The following KCTD1 variants were observed in gnomAD, a reference collection of about 807,000 sequenced individuals.
KCTD1 encodes the protein potassium channel tetramerization domain containing 1, also known as BTB/POZ domain-containing protein KCTD1.
KCTD1 carries 24 observed loss-of-function variants against 66.0 expected under a neutral mutation model. The observed-to-expected ratio is 0.36, with a 90% confidence interval of 0.26 to 0.51. The LOEUF is 0.51. Ranked by LOEUF, KCTD1 falls within the 20% of genes least tolerant of loss-of-function variation. The pLI is 0.95. For missense variants in KCTD1, 943 were observed against 1,205.2 expected, an observed-to-expected ratio of 0.78 and a Z score of 3.22; for synonymous variants, 511 against 517.2, an observed-to-expected ratio of 0.99 and a Z score of 0.16.
intron 1 of KCTD1, among the ~76,000 whole-genome samples, chr18:26,620,527 C>T (rs1987357634): frequency 6.7e-6 from 1 of 149,034 alleles, no homozygotes; most frequent in South Asian, 2.1e-4. Context: ...TCCTCCACCT[C>T]CGGGGCTCAA....
intron 1 of KCTD1, among the ~76,000 whole-genome samples, chr18:26,570,698 A>ACC (rs1291720949): frequency 2.0e-5 from 3 of 152,214 alleles, no homozygotes; most frequent in African/African-American, 7.2e-5. Context: ...GGCATGAGCC[A>ACC]CCACACCGGG....
chr18:26,484,465 T>C (rs193094972), intron 2 of KCTD1, among the ~76,000 whole-genome samples: 1 of 152,088 alleles, frequency 6.6e-6, no homozygotes, highest in African/African-American at 2.4e-5. Flanking sequence ...GAACTCGGCG[T>C]TTTGTAGAAT....
At chr18:26,636,954 A>G (rs2145056141) in intron 1 of KCTD1, among the ~76,000 whole-genome samples, 1 of 152,324 alleles carries the variant, frequency 6.6e-6, no homozygotes, top group South Asian at 2.1e-4. Flanking sequence ...CCCAGAGGTT[A>G]AGCAACTCCC....
Position 26,526,731 on chromosome 18 carries a change from A to G in KCTD1, c.1809+19997T>C, listed in dbSNP as rs181744826. On this transcript the variant is annotated intron_variant, in intron 1 of 4. Transcript: ENST00000580059. ...AGTCAACACTTGAAAATGCTGAGCC[A>G]ATCCCACTTGAGAAAAGATAAAGAA... Among the ~76,000 whole-genome samples, 39 of 152,342 alleles carry G rather than the reference A, an allele frequency of 2.6e-4. No individual in the cohort carries two copies. In the East Asian group the frequency reaches 7.3e-3, roughly 29 times the overall value.
At chr18:26,652,050 G>A (rs1320046028) in intron 1 of KCTD1, among the ~76,000 whole-genome samples, 2 of 152,134 alleles carry the variant, frequency 1.3e-5, no homozygotes, top group Non-Finnish European at 2.9e-5. Context: ...ACCAGTGCCT[G>A]GGGTTTCAGA....
intron 3 of KCTD1, among the ~76,000 whole-genome samples, chr18:26,463,540 G>A (rs1386058761): frequency 4.8e-5 from 3 of 62,698 alleles, no homozygotes; most frequent in Non-Finnish European, 1.5e-4. Flanking sequence ...CTTAGAATAC[G>A]GTTTTTTTTT....
intron 1 of KCTD1, among the ~76,000 whole-genome samples, chr18:26,593,614 A>G (rs1171731034): frequency 1.8e-5 from 2 of 109,156 alleles, no homozygotes; most frequent in Non-Finnish European, 3.7e-5. Context: ...GAAGGAAGAC[A>G]AGGAGGAGGA....
chr18:26,619,296 A>C (rs1987322574), intron 1 of KCTD1, among the ~76,000 whole-genome samples: 5 of 152,180 alleles, frequency 3.3e-5, no homozygotes, highest in Admixed American at 2.6e-4. Context: ...TTATTTCCTT[A>C]CTTGACTTTG....
At position 26,556,172 on chromosome 18, in the gene KCTD1, G is replaced by A. The variant is rs143070409; in HGVS notation, c.-15-54922C>T. ...TGAATATTTAAAGAAGCCCTGGGAT[G>A]GGTTTGTTCTATTTCTTTAATTTGA... On this transcript the variant is annotated intron_variant, in intron 1 of 4. Coordinates refer to the KCTD1 transcript ENST00000317932. 1.2e-3 allele frequency among the ~76,000 whole-genome samples: 187 copies of A among 152,312 alleles called. 1 individual carries two copies. Among genetic ancestry groups the A allele is most frequent in the African/African-American group, 4.3e-3 (177 of 41,558 alleles).
intron 1 of KCTD1, among the ~76,000 whole-genome samples, chr18:26,650,001 G>T (rs554250281): frequency 1.8e-4 from 28 of 152,174 alleles, no homozygotes; most frequent in Non-Finnish European, 3.7e-4. Flanking sequence ...ACCTAGTGGT[G>T]CATTTGCATC....
At chr18:26,530,227 A>G (rs554810271) in intron 1 of KCTD1, among the ~76,000 whole-genome samples, 2 of 152,284 alleles carry the variant, frequency 1.3e-5, no homozygotes, top group Admixed American at 6.5e-5. Flanking sequence ...AAGAACTTCA[A>G]TTTTGCCCTG....
chr18:26,503,917 C>T (rs1045236919), intron 1 of KCTD1, among the ~76,000 whole-genome samples: 7 of 152,106 alleles, frequency 4.6e-5, no homozygotes, highest in Admixed American at 3.3e-4. Context: ...TTTGGTGAGC[C>T]CTCTTGGTTC....
chr18:26,624,540 G>C (rs1987457015), intron 1 of KCTD1, among the ~76,000 whole-genome samples: 1 of 152,254 alleles, frequency 6.6e-6, no homozygotes, highest in African/African-American at 2.4e-5. Context: ...TCCATGTGGT[G>C]TTAAGCCTGT....
In KCTD1 at chr18:26,652,806, G is replaced by A. The variant is rs1988060772; in HGVS notation, c.9+4554C>T. 2.0e-5 allele frequency among the ~76,000 whole-genome samples: 3 copies of A among 152,196 alleles called. No individual in the cohort carries two copies. The South Asian group carries it at 6.2e-4, about 31-fold the overall frequency. On this transcript the variant is annotated intron_variant, in intron 1 of 4. Transcript: ENST00000580191. ...TGCTGTTACACCGGATGTGAATGAG[G>A]CTTCTCACTGCTACTTAATCTGGCT...
chr18:26,578,060 T>TTCTTTTCTTTTCTTTCTTTC (rs1567999114), intron 1 of KCTD1, among the ~76,000 whole-genome samples: 11 of 140,880 alleles, frequency 7.8e-5, no homozygotes, highest in African/African-American at 3.1e-4. Flanking sequence ...TTTCTTTCTT[T>TTCTTTTCTTTTCTTTCTTTC]TTTTTTTTTT....
At chr18:26,606,817 T>C (rs979275401) in intron 1 of KCTD1, among the ~76,000 whole-genome samples, 1 of 152,250 alleles carries the variant, frequency 6.6e-6, no homozygotes. Context: ...GACTGGTTGC[T>C]GCTTTAAGCC....
chr18:26,618,531 G>A (rs1203037960), intron 1 of KCTD1, among the ~76,000 whole-genome samples: 1 of 152,132 alleles, frequency 6.6e-6, no homozygotes, highest in Non-Finnish European at 1.5e-5. Context: ...ATCTTTCTCA[G>A]ACACCCAGAT....
rs1451676381 is a variant in KCTD1, at chr18:26,606,053, G to T, written c.-16+23094C>A. ...AAGGGTGGGACAGCTCAAAGCAGGA[G>T]ATTTCAGGTCATAGGTAGATTTAAA... On this transcript the variant is annotated intron_variant, in intron 1 of 4. Coordinates refer to the KCTD1 transcript ENST00000317932. 2.0e-5 allele frequency among the ~76,000 whole-genome samples: 3 copies of T among 151,478 alleles called. No individual in the cohort carries two copies. The East Asian group carries it at 5.8e-4, about 29-fold the overall frequency.
At chr18:26,495,549 T>C (rs960017857) in intron 2 of KCTD1, among the ~76,000 whole-genome samples, 1 of 152,166 alleles carries the variant, frequency 6.6e-6, no homozygotes, top group African/African-American at 2.4e-5. Flanking sequence ...AAGTAGAGTT[T>C]CTTGCGTTTT....
Sources: allele counts gnomAD v4.1 joint callset (sites outside exome capture counted in the v4.1 genomes callset), GRCh38; gene constraint gnomAD v4.1.1; transcripts MANE v1.5; gene names NCBI Gene and HGNC (gene_info 2026-07-23, HGNC 2026-07-21).